PLEKHG3: variants seen among roughly 807,000 people sequenced by gnomAD.
PLEKHG3 encodes pleckstrin homology and RhoGEF domain containing G3.
In PLEKHG3, 62 loss-of-function variants were observed where a neutral mutation model predicts 94.9. The observed-to-expected ratio is 0.65, with a 90% CI of 0.53 to 0.81. The LOEUF is 0.81. Among genes scored for constraint, PLEKHG3 ranks in the 30% least tolerant of loss-of-function variants. PLEKHG3 has a pLI of 0.00. For missense variants in PLEKHG3, 1,461 were observed against 1,619.3 expected, an observed-to-expected ratio of 0.90 and a Z score of 1.68; for synonymous variants, 614 against 654.0, an observed-to-expected ratio of 0.94 and a Z score of 0.93.
chr14:64,733,038 C>T (rs2081502051), intron 12 of PLEKHG3, 137 bp downstream of exon 12: 4 of 613,964 alleles, frequency 6.5e-6, no homozygotes, highest in African/African-American at 3.7e-5. Flanking sequence ...GGGCTGGACA[C>T]ACACCTGGGG....
chr14:64,743,697 C>T lies in PLEKHG3; in HGVS notation c.3654C>T (p.Val1218=), dbSNP rs752022533. The part of the protein sequence containing the change: ...LREKFQALNS[V]G ...AGAAGTTCCAGGCCTTGAACTCTGT[C>T]GGTTGATGCTGACTCCTGGGGGAGG... Residue 1218 remains valine (V), a synonymous_variant, in exon 17 of 17, where the codon GTC becomes GTT. Transcript: ENST00000247226. The surrounding 1 kb of genome is among the most constrained non-coding windows in gnomAD (Gnocchi z 7.2). 49 of 1,545,538 alleles carry T rather than the reference C, an allele frequency of 3.2e-5. No homozygotes were observed. Among genetic ancestry groups the T allele is most frequent in the South Asian group, 2.5e-4 (21 of 82,606 alleles).
Position 64,738,021 on chromosome 14 carries a change from G to T in PLEKHG3, c.1404+646G>T. On this transcript the variant is annotated intron_variant, in intron 14 of 16. Coordinates refer to ENST00000247226, the MANE Select transcript of PLEKHG3 (RefSeq NM_001308147.2). The surrounding 1 kb of genome is among the most constrained non-coding windows in gnomAD (Gnocchi z 4.8). ...GGAGGAGGAAGAGCAGGCCTTTCAG[G>T]TCTCTCTGGAGGACCTGACAGGGCA... 1 of 1,283,514 alleles carries T rather than the reference G, an allele frequency of 7.8e-7. No individual in the cohort carries two copies. The highest frequency in any genetic ancestry group is 1.0e-6 in the Non-Finnish European group (1 of 986,802). The allele number at this position is 1,283,514 out of a possible 1,614,324, so 79.5% of individuals were successfully genotyped here.
chr14:64,727,509 T>TTCCCCCCC lies in PLEKHG3; in HGVS notation c.-39-84_-39-83insTCCCCCCC. On this transcript the variant is annotated intron_variant, in intron 1 of 16. Coordinates refer to ENST00000247226, the MANE Select transcript of PLEKHG3 (RefSeq NM_001308147.2). This position sits in a 1 kb window ranked among gnomAD's most constrained non-coding sequence, Gnocchi z 6.0. The stretch of plus-strand genomic sequence containing the variant: ...CTAAATAATACCTTCCCACCCCACC[T>TTCCCCCCC]GCCCCCACCCCTGGCAACCGTCCCT... 1 of 336,208 alleles carries TTCCCCCCC rather than the reference T, an allele frequency of 3.0e-6. No individual in the cohort carries two copies. Among genetic ancestry groups the TTCCCCCCC allele is most frequent in the Non-Finnish European group, 5.8e-6 (1 of 171,878 alleles). 20.8% of individuals were successfully genotyped at this position (336,208 alleles called of 1,614,324 possible).
intron 12 of PLEKHG3, among the ~76,000 whole-genome samples, chr14:64,735,030 T>C (rs1036169922): frequency 2.0e-5 from 3 of 152,124 alleles, no homozygotes; most frequent in Non-Finnish European, 4.4e-5. Flanking sequence ...CTAGCTGAAA[T>C]AGACATCTTT....
chr14:64,735,234 C>T (rs2081548275), intron 12 of PLEKHG3, among the ~76,000 whole-genome samples: 1 of 152,140 alleles, frequency 6.6e-6, no homozygotes, highest in Non-Finnish European at 1.5e-5. Flanking sequence ...CTTCACGGTT[C>T]TTCTGTAACA....
At position 64,733,380 on chromosome 14, in the gene PLEKHG3, C is replaced by T. The variant is rs142696402; in HGVS notation, c.1345+479C>T. On this transcript the variant is annotated intron_variant, in intron 12 of 16. Transcript: ENST00000247226. ...GGGATTTCACTATATGTTGGCCAGG[C>T]TAGTTTCGAACTCCTGGCCTCAGGT... 3.4e-3 allele frequency among the ~76,000 whole-genome samples: 518 copies of T among 152,120 alleles called. 4 individuals carry two copies. The highest frequency in any genetic ancestry group is 0.012 in the African/African-American group (499 of 41,494).
chr14:64,717,288 G>A lies in PLEKHG3; in HGVS notation c.-39-10305G>A, dbSNP rs1444796187. 2.0e-5 allele frequency among the ~76,000 whole-genome samples: 3 copies of A among 152,310 alleles called. No homozygotes were observed. Among genetic ancestry groups the A allele is most frequent in the East Asian group, 1.9e-4 (1 of 5,178 alleles). ...GCTGTATCACCTTCGAAGAAGAGGC[G>A]AGGCCTGAGGGAGGGGGAAGGCCAG... On this transcript the variant is annotated intron_variant, in intron 1 of 16. Coordinates refer to ENST00000247226, the MANE Select transcript of PLEKHG3 (RefSeq NM_001308147.2). The surrounding 1 kb of genome is among the most constrained non-coding windows in gnomAD (Gnocchi z 4.7).
Position 64,749,805 on chromosome 14 carries a change from C to T in PLEKHG3, c.*6102C>T. 1.3e-6 allele frequency: 2 copies of T among 1,506,572 alleles called. No homozygotes were observed. The highest frequency in any genetic ancestry group is 4.8e-5 in the East Asian group (2 of 41,946). 93.3% of individuals were successfully genotyped at this position (1,506,572 alleles called of 1,614,324 possible). A position where few individuals can be genotyped will look rare whatever the true frequency, so the allele number is the denominator to read the frequency against. Reference sequence around the variant, plus strand: ...CTGAGCCGAACATCCAGACCCCTCTCAGGCAGCCCAGCACTTTCTGAGAGG... The same window carrying T: ...CTGAGCCGAACATCCAGACCCCTCTTAGGCAGCCCAGCACTTTCTGAGAGG... On this transcript the variant is annotated 3_prime_UTR_variant, in exon 17 of 17. Coordinates refer to ENST00000247226, the MANE Select transcript of PLEKHG3 (RefSeq NM_001308147.2). This position sits in a 1 kb window ranked among gnomAD's most constrained non-coding sequence, Gnocchi z 4.7.
rs2081255003 is a variant in PLEKHG3 at position 64,721,073 on chromosome 14, G to A, written c.-39-6520G>A. The stretch of plus-strand genomic sequence containing the variant: ...ATTTGATCACATCTGCCTTCTATGT[G>A]TCCCTTTTGCCATATAAGGTGACAT... On this transcript the variant is annotated intron_variant, in intron 1 of 16. Coordinates refer to ENST00000247226, the MANE Select transcript of PLEKHG3 (RefSeq NM_001308147.2). The surrounding 1 kb of genome is among the most constrained non-coding windows in gnomAD (Gnocchi z 4.3). 6.6e-6 allele frequency among the ~76,000 whole-genome samples: 1 copy of A among 152,174 alleles called. No individual in the cohort carries two copies. Among genetic ancestry groups the A allele is most frequent in the African/African-American group, 2.4e-5 (1 of 41,416 alleles).
At position 64,743,647 on chromosome 14, in the gene PLEKHG3, C is replaced by T; in HGVS notation, c.3604C>T (p.Gln1202Ter). 1 of 1,609,104 alleles carries T rather than the reference C, an allele frequency of 6.2e-7. No homozygotes were observed. Among genetic ancestry groups the T allele is most frequent in the South Asian group, 1.1e-5 (1 of 90,718 alleles). ...GSRDPADPSQ[Q>*]GRVRNLREKF... is the part of the protein sequence containing the mutation. ...CAGGGACCCGGCAGACCCGAGCCAG[C>T]AGGGCAGAGTGAGAAACCTTAGAGA... The change falls in exon 17 of 17, where the codon CAG becomes TAG. Residue 1202 changes from glutamine (Q) to a stop codon, truncating the protein, a stop_gained. Transcript: ENST00000247226. LOFTEE classifies it high-confidence loss of function. This position sits in a 1 kb window ranked among gnomAD's most constrained non-coding sequence, Gnocchi z 7.2.
In PLEKHG3 at chr14:64,749,386, G is replaced by T; in HGVS notation, c.*5683G>T. On this transcript the variant is annotated 3_prime_UTR_variant, in exon 17 of 17. Transcript: ENST00000247226. The surrounding 1 kb of genome is among the most constrained non-coding windows in gnomAD (Gnocchi z 4.7). ...CTGGCGTCGGGGCCGGAGAGGGAAG[G>T]CAGGGGCAGGCTCTGCGCCTTGACG... The T allele has an allele frequency of 2.5e-6, 4 of 1,609,880 alleles. No individual in the cohort carries two copies. The highest frequency in any genetic ancestry group is 3.4e-6 in the Non-Finnish European group (4 of 1,179,806).
Position 64,727,497 on chromosome 14 carries a change from T to TGCC in PLEKHG3, c.-39-96_-39-95insGCC. On this transcript the variant is annotated intron_variant, in intron 1 of 16. Transcript: ENST00000247226. The surrounding 1 kb of genome is among the most constrained non-coding windows in gnomAD (Gnocchi z 6.0). ...ACTCTGGATGCACTAAATAATACCT[T>TGCC]CCCACCCCACCTGCCCCCACCCCTG... is the stretch of plus-strand genomic sequence containing the variant. 6 of 560,820 alleles carry TGCC rather than the reference T, an allele frequency of 1.1e-5. No homozygotes were observed. The highest frequency in any genetic ancestry group is 2.0e-5 in the South Asian group (1 of 49,928). 34.7% of individuals were successfully genotyped at this position (560,820 alleles called of 1,614,324 possible).
rs2139408522 is a variant in PLEKHG3, at chr14:64,747,667, G to A, written c.*3964G>A. 6.6e-6 allele frequency: 1 copy of A among 152,340 alleles called. No homozygotes were observed. Among genetic ancestry groups the A allele is most frequent in the Non-Finnish European group, 1.5e-5 (1 of 68,080 alleles). 9.4% of individuals were successfully genotyped at this position (152,340 alleles called of 1,614,324 possible). A position where few individuals can be genotyped will look rare whatever the true frequency, so the allele number is the denominator to read the frequency against. On this transcript the variant is annotated 3_prime_UTR_variant, in exon 17 of 17. Transcript: ENST00000247226. Reference sequence around the variant, plus strand: ...CCTCATTCTGGATGCCTGCCCCTGTGGCTTCTACCTGAACCTCACCCACTT... The same window carrying A: ...CCTCATTCTGGATGCCTGCCCCTGTAGCTTCTACCTGAACCTCACCCACTT...
chr14:64,749,082 C>T lies in PLEKHG3; in HGVS notation c.*5379C>T, dbSNP rs1055552966. ...CAAAGGCGCCAGAGGAGCTGGGAGC[C>T]CCTGTCCCTGGAGCGGAGCCAGCGC... On this transcript the variant is annotated 3_prime_UTR_variant, in exon 17 of 17. Transcript: ENST00000247226. This position sits in a 1 kb window ranked among gnomAD's most constrained non-coding sequence, Gnocchi z 4.7. 4.0e-5 allele frequency: 19 copies of T among 478,426 alleles called. No individual in the cohort carries two copies. Among genetic ancestry groups the T allele is most frequent in the African/African-American group, 3.2e-4 (15 of 47,080 alleles). The allele number at this position is 478,426 out of a possible 1,614,324, so 29.6% of individuals were successfully genotyped here.
chr14:64,746,403 G>T lies in PLEKHG3; in HGVS notation c.*2700G>T, dbSNP rs2081838155. On this transcript the variant is annotated 3_prime_UTR_variant, in exon 17 of 17. Coordinates refer to ENST00000247226, the MANE Select transcript of PLEKHG3 (RefSeq NM_001308147.2). This position sits in a 1 kb window ranked among gnomAD's most constrained non-coding sequence, Gnocchi z 4.9. The stretch of plus-strand genomic sequence containing the variant: ...CCCAGGGCCAGCCCCAGATTGCATG[G>T]TCTGTGCCCAACAGGGTTGCATTCC... 1 of 152,788 alleles carries T rather than the reference G, an allele frequency of 6.5e-6. No individual in the cohort carries two copies. Among genetic ancestry groups the T allele is most frequent in the Non-Finnish European group, 1.5e-5 (1 of 68,086 alleles). The allele number at this position is 152,788 out of a possible 1,614,324, so 9.5% of individuals were successfully genotyped here.
Position 64,742,445 on chromosome 14 carries a change from A to T in PLEKHG3, c.2928A>T (p.Leu976Phe), listed in dbSNP as rs994631133. 2 of 1,605,348 alleles carry T rather than the reference A, an allele frequency of 1.2e-6. No individual in the cohort carries two copies. Among genetic ancestry groups the T allele is most frequent in the African/African-American group, 2.7e-5 (2 of 74,776 alleles). The change falls in exon 16 of 17, where the codon TTA becomes TTT. Residue 976 changes from leucine (L) to phenylalanine (F), a missense_variant. By Grantham distance (22) the Leu-to-Phe change is conservative. Transcript: ENST00000247226. ...PCLQEEAGEP[L>F]GGKGKRKPVL... Reference sequence around the variant, plus strand: ...TACAGGAAGAGGCTGGAGAGCCATTAGGTGGCAAAGGTATGACAGAAGCGG... The same window carrying T: ...TACAGGAAGAGGCTGGAGAGCCATTTGGTGGCAAAGGTATGACAGAAGCGG...
In PLEKHG3 at chr14:64,717,457, GA is replaced by G. The variant is rs1330260832; in HGVS notation, c.-39-10130del. Reference sequence around the variant, plus strand: ...AAGGGAAAGTGAGAACTGGGGGAAGGAAAAAACCCTTGGGTAGTAAGATGCA... The same window carrying G: ...AAGGGAAAGTGAGAACTGGGGGAAGGAAAAACCCTTGGGTAGTAAGATGCA... On this transcript the variant is annotated intron_variant, in intron 1 of 16. Coordinates refer to ENST00000247226, the MANE Select transcript of PLEKHG3 (RefSeq NM_001308147.2). The surrounding 1 kb of genome is among the most constrained non-coding windows in gnomAD (Gnocchi z 4.7). Among the ~76,000 whole-genome samples, 1 of 152,138 alleles carries G rather than the reference GA, an allele frequency of 6.6e-6. No individual in the cohort carries two copies. The highest frequency in any genetic ancestry group is 2.4e-5 in the African/African-American group (1 of 41,506).
Position 64,749,399 on chromosome 14 carries a change from C to T in PLEKHG3, c.*5696C>T. The T allele has an allele frequency of 6.2e-7, 1 of 1,609,178 alleles. No individual in the cohort carries two copies. Among genetic ancestry groups the T allele is most frequent in the Non-Finnish European group, 8.5e-7 (1 of 1,179,766 alleles). On this transcript the variant is annotated 3_prime_UTR_variant, in exon 17 of 17. Coordinates refer to ENST00000247226, the MANE Select transcript of PLEKHG3 (RefSeq NM_001308147.2). The surrounding 1 kb of genome is among the most constrained non-coding windows in gnomAD (Gnocchi z 4.7). ...CGGAGAGGGAAGGCAGGGGCAGGCT[C>T]TGCGCCTTGACGCGGATGCTCTGGG...
In PLEKHG3 at chr14:64,720,536, T is replaced by C. The variant is rs571471626; in HGVS notation, c.-39-7057T>C. 6.6e-6 allele frequency among the ~76,000 whole-genome samples: 1 copy of C among 152,340 alleles called. No homozygotes were observed. Among genetic ancestry groups the C allele is most frequent in the South Asian group, 2.1e-4 (1 of 4,832 alleles). Reference sequence around the variant, plus strand: ...CCTAATGTGCCTTGCTCTCTGGGGCTGAAGGGAAGGTATGGGAAAGAAGGC... The same window carrying C: ...CCTAATGTGCCTTGCTCTCTGGGGCCGAAGGGAAGGTATGGGAAAGAAGGC... On this transcript the variant is annotated intron_variant, in intron 1 of 16. Coordinates refer to ENST00000247226, the MANE Select transcript of PLEKHG3 (RefSeq NM_001308147.2). This position sits in a 1 kb window ranked among gnomAD's most constrained non-coding sequence, Gnocchi z 4.1.
Sources: gnomAD v4.1 joint callset for allele counts (sites outside exome capture counted in the v4.1 genomes callset) on GRCh38, gnomAD v4.1.1 for gene constraint, Gnocchi (gnomAD v3.1) non-coding constraint, MANE v1.5 for transcripts, NCBI Gene and HGNC (gene_info 2026-07-23, HGNC 2026-07-21) for gene names.